The following FAM193B variants were observed in gnomAD, a reference collection of about 807,000 sequenced individuals.
FAM193B encodes the protein protein FAM193B.
Under a neutral mutation model 70.7 loss-of-function variants are expected in FAM193B, and 27 were observed. That is an observed-to-expected ratio of 0.38 (90% confidence interval 0.28 to 0.53). The LOEUF is 0.53. Ranked by LOEUF, FAM193B falls within the 20% of genes least tolerant of loss-of-function variation. The probability of loss-of-function intolerance (pLI) is 0.81; values close to 1 mark genes in which losing one functional copy is unlikely to be tolerated. For missense variants in FAM193B, 1,022 were observed against 1,072.5 expected, an observed-to-expected ratio of 0.95 and a Z score of 0.66; for synonymous variants, 448 against 436.0, an observed-to-expected ratio of 1.03 and a Z score of -0.34.
chr5:177,553,501 C>G (rs1766576115), intron 1 of FAM193B: 1 of 1,123,912 alleles, frequency 8.9e-7, no homozygotes. Flanking sequence ...GGGTACCTCC[C>G]GTTATCTCCT....
chr5:177,548,418 T>C (rs1765759661), intron 1 of FAM193B, among the ~76,000 whole-genome samples: 2 of 152,352 alleles, frequency 1.3e-5, no homozygotes, highest in Middle Eastern at 6.8e-3. Flanking sequence ...ATATCATTAA[T>C]AGATCAGAAC....
In FAM193B at chr5:177,524,276, G is replaced by A. The variant is rs1461027813; in HGVS notation, c.2205C>T (p.Pro735=). ...ARPQEQESVQ[P]SGPARPQSLP... ...AGCTCTGTGGCCTTGCTGGGCCTGA[G>A]GGCTGCACAGACTCCTGCTCCTGAG... Residue 735 remains proline, a synonymous_variant, in exon 6 of 9, where the codon CCC becomes CCT. Transcript: ENST00000514747. 1 of 1,580,152 alleles carries A rather than the reference G, an allele frequency of 6.3e-7. No homozygotes were observed. The highest frequency in any genetic ancestry group is 8.6e-7 in the Non-Finnish European group (1 of 1,163,232).
At chr5:177,531,792 G>C in intron 5 of FAM193B, 2 of 907,178 alleles carry the variant, frequency 2.2e-6, no homozygotes, top group Non-Finnish European at 2.9e-6. Flanking sequence ...CTGGGAAGCT[G>C]TATGACCTTG....
intron 8 of FAM193B, among the ~76,000 whole-genome samples, chr5:177,521,726 G>A (rs1247710625): frequency 6.6e-6 from 1 of 152,244 alleles, no homozygotes; most frequent in African/African-American, 2.4e-5. Context: ...TCAGGAGCAT[G>A]GGCAGCAGGG....
chr5:177,535,040 C>A (rs551058592), intron 4 of FAM193B, among the ~76,000 whole-genome samples: 1 of 152,240 alleles, frequency 6.6e-6, no homozygotes, highest in South Asian at 2.1e-4. Context: ...TATTAAGAAC[C>A]CTCAAAGAGA....
chr5:177,553,681 C>T, intron 1 of FAM193B: 2 of 1,287,198 alleles, frequency 1.6e-6, no homozygotes, highest in Non-Finnish European at 2.0e-6. Flanking sequence ...GTTTCCACCT[C>T]AGTGCAGAAA....
chr5:177,545,909 G>T (rs1765373594), intron 1 of FAM193B, among the ~76,000 whole-genome samples: 2 of 152,042 alleles, frequency 1.3e-5, no homozygotes, highest in Admixed American at 1.3e-4. Context: ...CAGCTGCCCT[G>T]CAACAGGTCC....
At chr5:177,528,076 C>G (rs1158422607) in intron 5 of FAM193B, among the ~76,000 whole-genome samples, 1 of 152,128 alleles carries the variant, frequency 6.6e-6, no homozygotes, top group Non-Finnish European at 1.5e-5. Flanking sequence ...ACAAAGGAGA[C>G]AGAAAGGACG....
At chr5:177,525,545 T>G (rs933095759) in intron 5 of FAM193B, 6 of 219,926 alleles carry the variant, frequency 2.7e-5, no homozygotes, top group African/African-American at 1.4e-4. Flanking sequence ...AGAGAGGCAT[T>G]CTCTCCACCC....
chr5:177,552,073 A>C, intron 1 of FAM193B: 1 of 985,338 alleles, frequency 1.0e-6, no homozygotes, highest in Non-Finnish European at 1.2e-6. Flanking sequence ...TTTGTCTGAC[A>C]CCTACAGTTG....
chr5:177,539,216 A>G, intron 1 of FAM193B, 69 bp from the exon 2 acceptor site: 1 of 1,457,240 alleles, frequency 6.9e-7, no homozygotes, highest in South Asian at 1.4e-5. Context: ...TAGTAACAAT[A>G]TTAGTAATGC....
chr5:177,529,724 A>G (rs1257566215), intron 5 of FAM193B, among the ~76,000 whole-genome samples: 2 of 152,246 alleles, frequency 1.3e-5, no homozygotes, highest in Admixed American at 6.5e-5. Flanking sequence ...ATCTGAGCAC[A>G]CATATTTACG....
chr5:177,524,172 C>T lies in FAM193B; in HGVS notation c.2296+13G>A. Reference sequence around the variant, plus strand: ...GGGTAGGGGGTCAGCCGCTCAGTTCCTGGTGCACTCACCCAAGGAGGAGGC... The same window carrying T: ...GGGTAGGGGGTCAGCCGCTCAGTTCTTGGTGCACTCACCCAAGGAGGAGGC... On this transcript the variant is annotated intron_variant, in intron 6 of 8. Transcript: ENST00000514747. The T allele has an allele frequency of 1.9e-6, 3 of 1,574,732 alleles. No individual in the cohort carries two copies. The South Asian group carries it at 3.5e-5, about 18-fold the overall frequency.
At chr5:177,540,306 CAAAAAAA>C (rs71585639) in intron 1 of FAM193B, among the ~76,000 whole-genome samples, 3 of 102,474 alleles carry the variant, frequency 2.9e-5, no homozygotes, top group East Asian at 3.0e-4. Context: ...GACTCCGTCT[CAAAAAAA>C]AAAAAAAAAA....
At chr5:177,533,655 T>C (rs1332485969) in intron 4 of FAM193B, among the ~76,000 whole-genome samples, 3 of 152,202 alleles carry the variant, frequency 2.0e-5, no homozygotes, top group Non-Finnish European at 2.9e-5. Flanking sequence ...ATAAGTGTCA[T>C]TATCCCCACT....
At chr5:177,536,045 G>A (rs562080591) in intron 4 of FAM193B, among the ~76,000 whole-genome samples, 6 of 151,952 alleles carry the variant, frequency 3.9e-5, no homozygotes, top group Admixed American at 6.6e-5. Flanking sequence ...TGAGTAGCTA[G>A]GACTACAGTT....
chr5:177,553,287 C>T (rs530874463), intron 1 of FAM193B: 208 of 987,922 alleles, frequency 2.1e-4, no homozygotes, highest in Non-Finnish European at 2.5e-4. Flanking sequence ...GCATCTTCCG[C>T]CACGCCTCAT....
chr5:177,538,010 G>C lies in FAM193B; in HGVS notation c.551C>G (p.Ser184Cys), dbSNP rs1764378593. The C allele has an allele frequency of 6.4e-7, 1 of 1,556,434 alleles. No homozygotes were observed. The highest frequency in any genetic ancestry group is 2.4e-5 in the East Asian group (1 of 41,406). The change falls in exon 3 of 9, where the codon TCT (serine) becomes TGT (cysteine). Residue 184 changes from serine (S) to cysteine (C), a missense_variant. By Grantham distance (112) the Ser-to-Cys change is moderately radical. Coordinates refer to ENST00000514747, the MANE Select transcript of FAM193B (RefSeq NM_001190946.3). The surrounding 1 kb of genome is among the most constrained non-coding windows in gnomAD (Gnocchi z 4.1). The stretch of plus-strand genomic sequence containing the variant: ...GTCTCCCGAGTTCCCAGGGCAGGAA[G>C]AGGAGGACGAGGATGAGGATGATGA... ...SSSSSSSSSS[S>C]SCPGNSGDWD...
chr5:177,522,587 A>T (rs1275865955), intron 7 of FAM193B, among the ~76,000 whole-genome samples: 3 of 151,246 alleles, frequency 2.0e-5, no homozygotes, highest in Admixed American at 6.6e-5. Context: ...TGATCCTCCC[A>T]CCTTGGCCTT....
Sources: gnomAD v4.1 joint callset for allele counts (sites outside exome capture counted in the v4.1 genomes callset) on GRCh38, gnomAD v4.1.1 for gene constraint, Gnocchi (gnomAD v3.1) non-coding constraint, MANE v1.5 for transcripts, NCBI Gene and HGNC (gene_info 2026-07-23, HGNC 2026-07-21) for gene names.